EEPD1: variants seen among roughly 807,000 people sequenced by gnomAD.
The protein encoded by EEPD1 is endonuclease/exonuclease/phosphatase family domain containing 1.
Under a neutral mutation model 46.3 loss-of-function variants are expected in EEPD1, and 17 were observed. That is an observed-to-expected ratio of 0.37 (90% CI 0.25 to 0.55). The LOEUF (loss-of-function observed/expected upper bound fraction) is 0.55, where lower values mean the gene tolerates loss of function less well. EEPD1 is among the 20% of genes least tolerant of loss of function. EEPD1 has a pLI of 0.83. For missense variants in EEPD1, 673 were observed against 745.6 expected, an observed-to-expected ratio of 0.90 and a Z score of 1.13; for synonymous variants, 313 against 315.6, an observed-to-expected ratio of 0.99 and a Z score of 0.09.
chr7:36,293,794 T>C (rs753517670), intron 6 of EEPD1, among the ~76,000 whole-genome samples: 3 of 151,988 alleles, frequency 2.0e-5, no homozygotes, highest in Admixed American at 1.3e-4. Context: ...TGAAACCCCA[T>C]CTCTACTAAA....
Position 36,277,308 on chromosome 7 carries a change from A to C in EEPD1, c.931-3807A>C, listed in dbSNP as rs140252685. ...GAGCTTGGGCTTAACCTTTCTGTGC[A>C]GCACTGTACTCATGAATCACTGGTA... On this transcript the variant is annotated intron_variant, in intron 3 of 7. Transcript: ENST00000242108. Among the ~76,000 whole-genome samples, 618 of 152,376 alleles carry C rather than the reference A, an allele frequency of 4.1e-3. 2 individuals carry two copies. Among genetic ancestry groups the C allele is most frequent in the African/African-American group, 0.014 (590 of 41,594 alleles).
At chr7:36,270,620 T>C (rs931029215) in intron 3 of EEPD1, among the ~76,000 whole-genome samples, 9 of 152,232 alleles carry the variant, frequency 5.9e-5, no homozygotes, top group Non-Finnish European at 1.3e-4. Context: ...TCCATGTCCC[T>C]GCAAAGGACA....
At chr7:36,163,527 G>A (rs1784933023) in intron 2 of EEPD1, among the ~76,000 whole-genome samples, 1 of 152,106 alleles carries the variant, frequency 6.6e-6, no homozygotes, top group African/African-American at 2.4e-5. Flanking sequence ...TCAGAGGGTG[G>A]AACTTGGTTT....
At chr7:36,177,120 C>G (rs1312711279) in intron 2 of EEPD1, among the ~76,000 whole-genome samples, 1 of 152,108 alleles carries the variant, frequency 6.6e-6, no homozygotes, top group East Asian at 1.9e-4. Flanking sequence ...ATAACTATAA[C>G]TTTACTAAAA....
chr7:36,223,127 G>C (rs777120623), intron 2 of EEPD1, among the ~76,000 whole-genome samples: 23 of 150,876 alleles, frequency 1.5e-4, no homozygotes, highest in Non-Finnish European at 3.1e-4. Flanking sequence ...CTCCAACCTG[G>C]GCGACAGAGT....
intron 2 of EEPD1, among the ~76,000 whole-genome samples, chr7:36,155,418 G>C (rs1055786647): frequency 1.3e-5 from 2 of 152,188 alleles, no homozygotes; most frequent in African/African-American, 2.4e-5. Context: ...CCCATGTCTT[G>C]AGTGTGAGAT....
intron 2 of EEPD1, among the ~76,000 whole-genome samples, chr7:36,167,689 G>T (rs568038357): frequency 6.6e-6 from 1 of 152,152 alleles, no homozygotes; most frequent in South Asian, 2.1e-4. Flanking sequence ...TAGAGATTTA[G>T]TGCCATTTAG....
intron 3 of EEPD1, among the ~76,000 whole-genome samples, chr7:36,257,044 G>A (rs1310571679): frequency 6.6e-6 from 1 of 152,128 alleles, no homozygotes; most frequent in East Asian, 1.9e-4. Flanking sequence ...GCATTTGCTT[G>A]TCTGTAAAGG....
chr7:36,298,711 G>A (rs1313701598), intron 7 of EEPD1, among the ~76,000 whole-genome samples: 4 of 152,316 alleles, frequency 2.6e-5, no homozygotes, highest in African/African-American at 2.4e-5. Flanking sequence ...ACAGCAGCGC[G>A]TTTATGAGGA....
In EEPD1 at chr7:36,237,125, T is replaced by C. The variant is rs1048246447; in HGVS notation, c.879-1860T>C. On this transcript the variant is annotated intron_variant, in intron 2 of 7. Transcript: ENST00000242108. ...CCACACGCGCCGCCTTTATGAACTG[T>C]AACACTCACCGCAAACGTCTGCAGC... Among the ~76,000 whole-genome samples the C allele has an allele frequency of 3.3e-5, 5 of 152,148 alleles. No individual in the cohort carries two copies. The East Asian group carries it at 9.6e-4, about 29-fold the overall frequency.
chr7:36,293,185 G>A (rs1787474426), intron 6 of EEPD1, among the ~76,000 whole-genome samples: 1 of 152,106 alleles, frequency 6.6e-6, no homozygotes, highest in African/African-American at 2.4e-5. Flanking sequence ...AAAATACTTA[G>A]AAATGTGGTG....
intron 3 of EEPD1, among the ~76,000 whole-genome samples, chr7:36,277,525 A>T (rs1451890143): frequency 6.6e-6 from 1 of 152,098 alleles, no homozygotes; most frequent in African/African-American, 2.4e-5. Context: ...GTGAGTTTGC[A>T]TTTCTGGCAG....
At chr7:36,215,771 A>G (rs1338317292) in intron 2 of EEPD1, among the ~76,000 whole-genome samples, 3 of 152,228 alleles carry the variant, frequency 2.0e-5, no homozygotes, top group Non-Finnish European at 2.9e-5. Flanking sequence ...AGGTGAGAGC[A>G]GGCAAGTGCC....
chr7:36,208,213 G>A (rs907131313), intron 2 of EEPD1, among the ~76,000 whole-genome samples: 1 of 152,098 alleles, frequency 6.6e-6, no homozygotes, highest in African/African-American at 2.4e-5. Context: ...ATGGGGGTGG[G>A]GTAGGCAGGC....
At chr7:36,257,098 A>G (rs1265635094) in intron 3 of EEPD1, among the ~76,000 whole-genome samples, 2 of 152,214 alleles carry the variant, frequency 1.3e-5, no homozygotes, top group Non-Finnish European at 2.9e-5. Flanking sequence ...TTGGCTAGAT[A>G]TGAAATTCTG....
rs1039583006 is a variant in EEPD1, at chr7:36,154,456, T to G, written c.132T>G (p.Thr44=). 1 of 1,614,132 alleles carries G rather than the reference T, an allele frequency of 6.2e-7. No homozygotes were observed. The highest frequency in any genetic ancestry group is 1.7e-5 in the Admixed American group (1 of 60,010). The change falls in exon 2 of 8, where the codon ACT becomes ACG. Residue 44 remains threonine (T), a synonymous_variant. Coordinates refer to ENST00000242108, the MANE Select transcript of EEPD1 (RefSeq NM_030636.3). The surrounding 1 kb of genome is among the most constrained non-coding windows in gnomAD (Gnocchi z 4.2). The part of the protein sequence containing the change: ...LVNQERLNIN[T]ATEEELMTLP... ...ATCAGGAGCGGCTCAACATCAACAC[T>G]GCCACGGAGGAGGAGCTGATGACCC...
chr7:36,179,180 T>C (rs1193720683), intron 2 of EEPD1, among the ~76,000 whole-genome samples: 2 of 152,360 alleles, frequency 1.3e-5, no homozygotes, highest in East Asian at 3.9e-4. Flanking sequence ...AGTGGTTTAC[T>C]ACCCCCAGTG....
intron 6 of EEPD1, among the ~76,000 whole-genome samples, chr7:36,293,022 A>C (rs2115896272): frequency 6.6e-6 from 1 of 152,340 alleles, no homozygotes; most frequent in East Asian, 1.9e-4. Flanking sequence ...GAGAATTAAG[A>C]AAACTGCCTA....
rs535102700 is a variant in EEPD1 at position 36,181,845 on chromosome 7, A to G, written c.878+26643A>G. Among the ~76,000 whole-genome samples, 8 of 152,210 alleles carry G rather than the reference A, an allele frequency of 5.3e-5. No homozygotes were observed. The South Asian group carries it at 1.2e-3, about 24-fold the overall frequency. ...TCTTTCTTCAACTCTTTGTGTGGCA[A>G]TGTTAACAAAGAGGAGGAGGAGAGA... On this transcript the variant is annotated intron_variant, in intron 2 of 7. Coordinates refer to ENST00000242108, the MANE Select transcript of EEPD1 (RefSeq NM_030636.3).
Sources: gnomAD v4.1 joint callset for allele counts (sites outside exome capture counted in the v4.1 genomes callset) on GRCh38, gnomAD v4.1.1 for gene constraint, Gnocchi (gnomAD v3.1) non-coding constraint, MANE v1.5 for transcripts, NCBI Gene and HGNC (gene_info 2026-07-23, HGNC 2026-07-21) for gene names.